The following PTPRD variants were observed in gnomAD, a reference collection of about 807,000 sequenced individuals.
The protein encoded by PTPRD is receptor-type tyrosine-protein phosphatase delta.
PTPRD carries 34 observed loss-of-function variants against 214.5 expected under a neutral mutation model. The ratio of observed to expected loss-of-function variants is 0.16; its 90% CI spans 0.12 to 0.21. The LOEUF (loss-of-function observed/expected upper bound fraction) is 0.21, where lower values mean the gene tolerates loss of function less well. PTPRD is among the 10% of genes least tolerant of loss of function. PTPRD has a pLI of 1.00. For synonymous variants in PTPRD, 1,128 were observed against 845.7 expected, an observed-to-expected ratio of 1.33 and a Z score of -5.79; for missense variants, 2,545 against 2,398.7, an observed-to-expected ratio of 1.06 and a Z score of -1.27.
intron 8 of PTPRD, among the ~76,000 whole-genome samples, chr9:9,556,705 C>G (rs2081602269): frequency 6.6e-6 from 1 of 152,102 alleles, no homozygotes; most frequent in African/African-American, 2.4e-5. Context: ...CAACCCAAAT[C>G]CTTCAAATTT....
intron 9 of PTPRD, among the ~76,000 whole-genome samples, chr9:9,273,520 G>A (rs902395223): frequency 5.3e-5 from 8 of 151,186 alleles, no homozygotes; most frequent in African/African-American, 1.9e-4. Context: ...AGATAAAGTT[G>A]GGTTTATTTA....
chr9:9,247,907 T>A (rs1000020652), intron 9 of PTPRD, among the ~76,000 whole-genome samples: 1 of 152,118 alleles, frequency 6.6e-6, no homozygotes, highest in Non-Finnish European at 1.5e-5. Context: ...TCTCACTTAT[T>A]ACTCTCAGCT....
At chr9:9,067,176 G>C (rs984479252) in intron 10 of PTPRD, among the ~76,000 whole-genome samples, 1 of 152,176 alleles carries the variant, frequency 6.6e-6, no homozygotes, top group African/African-American at 2.4e-5. Context: ...GTTACAGTGA[G>C]CCTAGATAGC....
At chr9:10,282,169 T>C (rs1162409862) in intron 3 of PTPRD, among the ~76,000 whole-genome samples, 1 of 152,172 alleles carries the variant, frequency 6.6e-6, no homozygotes, top group Admixed American at 6.5e-5. Flanking sequence ...TGCCACCTAA[T>C]AGCTCCATGA....
intron 14 of PTPRD, among the ~76,000 whole-genome samples, chr9:8,591,668 G>C (rs2094117250): frequency 6.6e-6 from 1 of 152,220 alleles, no homozygotes; most frequent in South Asian, 2.1e-4. Flanking sequence ...ACGTCTAGTT[G>C]GCTAAATTAC....
At chr9:9,794,177 GTATATATACA>G (rs2098986509) in intron 5 of PTPRD, among the ~76,000 whole-genome samples, 1 of 146,952 alleles carries the variant, frequency 6.8e-6, no homozygotes, top group African/African-American at 2.6e-5. Flanking sequence ...ATATATACAT[GTATATATACA>G]TATGTGTGTG....
chr9:10,573,436 G>A (rs1225453267), intron 2 of PTPRD, among the ~76,000 whole-genome samples: 6 of 152,104 alleles, frequency 3.9e-5, no homozygotes, highest in Admixed American at 3.9e-4. Context: ...TCCTCATAGT[G>A]CACACAGGTC....
intron 2 of PTPRD, among the ~76,000 whole-genome samples, chr9:10,540,017 T>C (rs1339786407): frequency 6.6e-6 from 1 of 152,168 alleles, no homozygotes; most frequent in Non-Finnish European, 1.5e-5. Context: ...GGGCAAACTA[T>C]GTTTGTTGGT....
intron 5 of PTPRD, among the ~76,000 whole-genome samples, chr9:9,861,240 T>C (rs2062694949): frequency 6.6e-6 from 1 of 152,136 alleles, no homozygotes; most frequent in South Asian, 2.1e-4. Flanking sequence ...GAGACTCACA[T>C]GGTATGAAAG....
intron 3 of PTPRD, among the ~76,000 whole-genome samples, chr9:10,113,932 C>G (rs1465864694): frequency 4.6e-5 from 7 of 152,124 alleles, no homozygotes; most frequent in African/African-American, 9.7e-5. Flanking sequence ...TAACCTTGGC[C>G]TTTTTAATCC....
chr9:9,640,076 G>A (rs1283153945), intron 7 of PTPRD, among the ~76,000 whole-genome samples: 1 of 152,130 alleles, frequency 6.6e-6, no homozygotes, highest in Non-Finnish European at 1.5e-5. Context: ...TCATCTTAGA[G>A]ACCCATACCG....
At chr9:9,747,872 A>G (rs2098474336) in intron 6 of PTPRD, among the ~76,000 whole-genome samples, 1 of 152,098 alleles carries the variant, frequency 6.6e-6, no homozygotes, top group Admixed American at 6.6e-5. Flanking sequence ...CATTTTTACA[A>G]ATTTCTAAAC....
At chr9:10,297,270 T>A (rs1295024496) in intron 3 of PTPRD, among the ~76,000 whole-genome samples, 3 of 151,882 alleles carry the variant, frequency 2.0e-5, no homozygotes, top group Non-Finnish European at 4.4e-5. Flanking sequence ...TGTGGCACCA[T>A]CTATAACATT....
intron 39 of PTPRD, among the ~76,000 whole-genome samples, chr9:8,365,047 G>A (rs1500320): frequency 0.55 from 83,325 of 151,894 alleles, 24,627 homozygotes; most frequent in Non-Finnish European, 0.68. Flanking sequence ...TACTAGACCC[G>A]CAGTCTGAAG....
chr9:9,294,484 G>C (rs1952316141), intron 9 of PTPRD, among the ~76,000 whole-genome samples: 1 of 151,616 alleles, frequency 6.6e-6, no homozygotes, highest in Admixed American at 6.6e-5. Context: ...GATGTATTTG[G>C]ACGTAAGGCT....
chr9:9,848,072 C>G (rs1410617176), intron 5 of PTPRD, among the ~76,000 whole-genome samples: 1 of 152,004 alleles, frequency 6.6e-6, no homozygotes, highest in East Asian at 1.9e-4. Context: ...GCTGAGATGC[C>G]AAATTGAGAG....
rs527500010 is a variant in PTPRD at position 8,663,396 on chromosome 9, AT to A, written c.65-26553del. On this transcript the variant is annotated intron_variant, in intron 12 of 45. Coordinates refer to ENST00000381196, the MANE Select transcript of PTPRD (RefSeq NM_002839.4). ...TTTATTTACCAAACTAAAAAAAAAAATATCACTGTCACTGAATGTTAGGTGG... is the reference window on the plus strand; with the variant it reads ...TTTATTTACCAAACTAAAAAAAAAAAATCACTGTCACTGAATGTTAGGTGG... Among the ~76,000 whole-genome samples the A allele has an allele frequency of 2.8e-4, 42 of 151,302 alleles. 1 individual carries two copies. The highest frequency in any genetic ancestry group is 8.3e-4 in the South Asian group (4 of 4,818).
At chr9:9,763,713 C>T (rs1038178171) in intron 6 of PTPRD, among the ~76,000 whole-genome samples, 1 of 152,166 alleles carries the variant, frequency 6.6e-6, no homozygotes, top group African/African-American at 2.4e-5. Context: ...CTGCTACTAT[C>T]ATTGTTTGAC....
At chr9:8,570,231 T>A (rs917322474) in intron 14 of PTPRD, among the ~76,000 whole-genome samples, 3 of 152,120 alleles carry the variant, frequency 2.0e-5, no homozygotes, top group East Asian at 1.9e-4. Flanking sequence ...GTAATGGTCA[T>A]AATAAATACA....
Sources: gnomAD v4.1 joint callset for allele counts (sites outside exome capture counted in the v4.1 genomes callset) on GRCh38, gnomAD v4.1.1 for gene constraint, MANE v1.5 for transcripts, NCBI Gene and HGNC (gene_info 2026-07-23, HGNC 2026-07-21) for gene names.